ASIC2: variants seen among roughly 807,000 people sequenced by gnomAD.
ASIC2 encodes the protein acid sensing ion channel subunit 2, also known as acid-sensing ion channel 2.
In ASIC2, 25 loss-of-function variants were observed where a neutral mutation model predicts 57.3. The observed-to-expected ratio is 0.44, with a 90% CI of 0.32 to 0.61. ASIC2 has a LOEUF of 0.61. ASIC2 is among the 20% of genes least tolerant of loss of function. The pLI, the probability that ASIC2 is intolerant of heterozygous loss-of-function variation, is 0.06. For synonymous variants in ASIC2, 319 were observed against 307.5 expected, an observed-to-expected ratio of 1.04 and a Z score of -0.39; for missense variants, 641 against 738.1, an observed-to-expected ratio of 0.87 and a Z score of 1.52.
At chr17:33,873,253 A>G (rs1329638019) in intron 1 of ASIC2, among the ~76,000 whole-genome samples, 1 of 152,170 alleles carries the variant, frequency 6.6e-6, no homozygotes, top group African/African-American at 2.4e-5. Context: ...CCTTCCCAGT[A>G]ACAGAACAGT....
In ASIC2 at chr17:33,289,304, T is replaced by C. The variant is rs1240166889; in HGVS notation, c.708+2104A>G. Among the ~76,000 whole-genome samples the C allele has an allele frequency of 2.6e-5, 4 of 152,174 alleles. No individual in the cohort carries two copies. In the East Asian group the frequency reaches 7.7e-4, roughly 29 times the overall value. Reference sequence around the variant, plus strand: ...CCCCAGTGGGAAGGACCTTACTGTCTTCAACTCCCTAACAATTGACCCACA... The same window carrying C: ...CCCCAGTGGGAAGGACCTTACTGTCCTCAACTCCCTAACAATTGACCCACA... On this transcript the variant is annotated intron_variant, in intron 1 of 9. Coordinates refer to ENST00000225823, the MANE Select transcript of ASIC2 (RefSeq NM_183377.2).
intron 1 of ASIC2, among the ~76,000 whole-genome samples, chr17:34,012,890 T>C (rs930618563): frequency 1.3e-5 from 2 of 152,202 alleles, no homozygotes; most frequent in East Asian, 1.9e-4. Context: ...TGTGGGTTCC[T>C]GGTGACACCT....
intron 1 of ASIC2, among the ~76,000 whole-genome samples, chr17:33,287,131 A>G (rs1280496232): frequency 6.6e-6 from 1 of 152,218 alleles, no homozygotes; most frequent in African/African-American, 2.4e-5. Flanking sequence ...TTGAATATTG[A>G]GCACCTACTG....
At chr17:33,357,985 A>G (rs1189994087) in intron 1 of ASIC2, among the ~76,000 whole-genome samples, 2 of 152,180 alleles carry the variant, frequency 1.3e-5, no homozygotes, top group Non-Finnish European at 2.9e-5. Flanking sequence ...AGAATCTGGC[A>G]AAGCTGTATT....
At chr17:33,443,176 TTTGCATC>T (rs1289264758) in intron 1 of ASIC2, among the ~76,000 whole-genome samples, 2 of 152,148 alleles carry the variant, frequency 1.3e-5, no homozygotes, top group East Asian at 3.9e-4. Flanking sequence ...TTTAGAAAAT[TTTGCATC>T]TAAGTTTGTA....
At chr17:33,922,829 G>C (rs918639328) in intron 1 of ASIC2, among the ~76,000 whole-genome samples, 6 of 152,100 alleles carry the variant, frequency 3.9e-5, no homozygotes, top group African/African-American at 1.4e-4. Flanking sequence ...ACCATCTCAC[G>C]AATGGCAAGT....
In ASIC2 at chr17:33,961,631, G is replaced by A. The variant is rs77123834; in HGVS notation, c.555+194347C>T. Among the ~76,000 whole-genome samples the A allele has an allele frequency of 8.3e-3, 1,268 of 152,300 alleles. 18 individuals are homozygous for A. Among genetic ancestry groups the A allele is most frequent in the South Asian group, 0.049 (237 of 4,826 alleles). On this transcript the variant is annotated intron_variant, in intron 1 of 9. Coordinates refer to the ASIC2 transcript ENST00000359872. ...AGACTTGCTGTTCTGGGAAGATCACGGAGTGATTTGCATAATTGCCTTCTC... is the reference window on the plus strand; with the variant it reads ...AGACTTGCTGTTCTGGGAAGATCACAGAGTGATTTGCATAATTGCCTTCTC...
intron 1 of ASIC2, among the ~76,000 whole-genome samples, chr17:33,264,306 GAA>G (rs1456486899): frequency 6.6e-6 from 1 of 152,236 alleles, no homozygotes; most frequent in South Asian, 2.1e-4. Flanking sequence ...TCAGAGCCAT[GAA>G]TCAAGCACTC....
chr17:33,310,828 G>A (rs570190752), intron 1 of ASIC2, among the ~76,000 whole-genome samples: 2 of 152,268 alleles, frequency 1.3e-5, no homozygotes, highest in African/African-American at 4.8e-5. Flanking sequence ...GATAGATATA[G>A]GTAAGAGATA....
chr17:33,677,205 T>C (rs1388109556), intron 1 of ASIC2, among the ~76,000 whole-genome samples: 1 of 152,230 alleles, frequency 6.6e-6, no homozygotes, highest in Non-Finnish European at 1.5e-5. Flanking sequence ...AGCCTTATAT[T>C]GGAAGAAGAT....
intron 1 of ASIC2, among the ~76,000 whole-genome samples, chr17:33,944,158 C>T (rs118121100): frequency 0.014 from 2,067 of 152,280 alleles, 26 homozygotes; most frequent in Non-Finnish European, 0.021. Context: ...GAATTTTCAG[C>T]TGCAATTTAT....
chr17:33,112,120 G>A, intron 1 of ASIC2, 53 bp from the exon 2 acceptor site: 1 of 1,542,962 alleles, frequency 6.5e-7, no homozygotes, highest in East Asian at 2.4e-5. Context: ...CTTCAGACGG[G>A]GGTCCAGAGA....
intron 7 of ASIC2, among the ~76,000 whole-genome samples, chr17:33,018,963 A>G (rs1295163406): frequency 6.6e-6 from 1 of 152,158 alleles, no homozygotes; most frequent in Admixed American, 6.5e-5. Flanking sequence ...CAGCACCCAC[A>G]TGCCCGGGTG....
chr17:33,207,300 T>A (rs1907100253), intron 1 of ASIC2, among the ~76,000 whole-genome samples: 1 of 152,348 alleles, frequency 6.6e-6, no homozygotes, highest in Admixed American at 6.5e-5. Context: ...AGAACAAATA[T>A]TCTTATTCTC....
intron 3 of ASIC2, among the ~76,000 whole-genome samples, chr17:33,080,739 A>G (rs2092109958): frequency 6.6e-6 from 1 of 152,174 alleles, no homozygotes; most frequent in South Asian, 2.1e-4. Context: ...CCATACCTTG[A>G]TGGTAAATCT....
At chr17:33,796,223 C>T (rs1444671404) in intron 1 of ASIC2, among the ~76,000 whole-genome samples, 1 of 152,142 alleles carries the variant, frequency 6.6e-6, no homozygotes, top group East Asian at 1.9e-4. Flanking sequence ...GAGTTCAAGG[C>T]TCTGTGCTCC....
At chr17:33,508,010 T>C (rs1597756614) in intron 1 of ASIC2, among the ~76,000 whole-genome samples, 1 of 152,160 alleles carries the variant, frequency 6.6e-6, no homozygotes, top group South Asian at 2.1e-4. Context: ...ACTCCTCACA[T>C]CATTCACTAA....
At chr17:33,333,389 A>G (rs924384893) in intron 1 of ASIC2, among the ~76,000 whole-genome samples, 1 of 152,222 alleles carries the variant, frequency 6.6e-6, no homozygotes, top group Non-Finnish European at 1.5e-5. Context: ...AGGCTGTGGG[A>G]AATCATGCAC....
intron 1 of ASIC2, among the ~76,000 whole-genome samples, chr17:33,136,344 A>G (rs1465588003): frequency 2.0e-5 from 3 of 152,234 alleles, no homozygotes; most frequent in Non-Finnish European, 1.5e-5. Context: ...GAGGTCTAGA[A>G]AAATACACAC....
Sources: gnomAD v4.1 joint callset for allele counts (sites outside exome capture counted in the v4.1 genomes callset) on GRCh38, gnomAD v4.1.1 for gene constraint, MANE v1.5 for transcripts, NCBI Gene and HGNC (gene_info 2026-07-23, HGNC 2026-07-21) for gene names.